Variants in KANK2 observed in about 807,000 individuals in gnomAD.
KANK2 encodes KN motif and ankyrin repeat domain-containing protein 2.
Under a neutral mutation model 74.6 loss-of-function variants are expected in KANK2, and 41 were observed. The observed-to-expected ratio is 0.55, with a 90% confidence interval of 0.43 to 0.71. The LOEUF (loss-of-function observed/expected upper bound fraction) is 0.71. Among genes scored for constraint, KANK2 ranks in the 30% least tolerant of loss-of-function variants. The probability of loss-of-function intolerance (pLI) is 0.00; values close to 1 mark genes in which losing one functional copy is unlikely to be tolerated. For missense variants in KANK2, 1,148 were observed against 1,196.4 expected, an observed-to-expected ratio of 0.96 and a Z score of 0.60; for synonymous variants, 537 against 519.0, an observed-to-expected ratio of 1.03 and a Z score of -0.47.
At chr19:11,184,452 C>T (rs1051966363) in intron 4 of KANK2, among the ~76,000 whole-genome samples, 2 of 150,094 alleles carry the variant, frequency 1.3e-5, no homozygotes, top group African/African-American at 4.9e-5. Flanking sequence ...GAGTTTGGCA[C>T]AGGCAAAAAT....
upstream of KANK2, chr19:11,197,692 G>C (rs1198861350): frequency 6.6e-6 from 1 of 151,902 alleles, no homozygotes; most frequent in East Asian, 1.9e-4. Flanking sequence ...ACGCTGGTTG[G>C]AGACTGGATC....
intron 12 of KANK2, among the ~76,000 whole-genome samples, chr19:11,168,765 A>C (rs539828596): frequency 1.3e-5 from 2 of 152,298 alleles, no homozygotes; most frequent in East Asian, 3.9e-4. Context: ...CCAGGCGTGA[A>C]TACTGTTATG....
chr19:11,193,623 C>A lies in KANK2; in HGVS notation c.457G>T (p.Ala153Ser), dbSNP rs773256470. The A allele has an allele frequency of 8.2e-6, 13 of 1,588,468 alleles. No individual in the cohort carries two copies. The East Asian group carries it at 2.9e-4, about 36-fold the overall frequency. Residue 153 changes from alanine (A) to serine (S), a missense_variant, in exon 4 of 13, where the codon GCC (alanine) becomes TCC (serine). By Grantham distance (99) the Ala-to-Ser change is moderately conservative. Coordinates refer to ENST00000586659, the MANE Select transcript of KANK2 (RefSeq NM_001136191.3). The surrounding 1 kb of genome is among the most constrained non-coding windows in gnomAD (Gnocchi z 9.6). ...CCCACCAGGGAGGCTGTCGAGCCGG[C>A]CGCACTGGGGGTCAGGGAGCCCAGG... ...TGLGSLTPSA[A>S]GSTASLVGVG... is the part of the protein sequence containing the mutation.
chr19:11,178,412 G>A lies in KANK2; in HGVS notation c.1453C>T (p.Arg485Trp), dbSNP rs981952023. 4 of 1,584,636 alleles carry A rather than the reference G, an allele frequency of 2.5e-6. No homozygotes were observed. The highest frequency in any genetic ancestry group is 2.7e-5 in the African/African-American group (2 of 72,772). The change falls in exon 6 of 13, where the codon CGG (arginine) becomes TGG (tryptophan). Residue 485 changes from arginine to tryptophan, a missense_variant. Coordinates refer to ENST00000586659, the MANE Select transcript of KANK2 (RefSeq NM_001136191.3). ...GTGGGGTCTGCAACCTCCTCTTTCC[G>A]TTTCATGATAGATCGCACGCCTGCC... ...PPAGVRSIMK[R>W]KEEVADPTAH...
rs201031064 is a variant in KANK2, at chr19:11,192,969, C to T, written c.1111G>A (p.Gly371Ser). The change falls in exon 4 of 13, where the codon GGT becomes AGT. Residue 371 changes from glycine (G) to serine (S), a missense_variant. Coordinates refer to ENST00000586659, the MANE Select transcript of KANK2 (RefSeq NM_001136191.3). ...GTGLRALAMP[G>S]RPESPPVFRS... ...AACACAGGTGGGCTCTCAGGCCTACCAGGCATTGCCAGGGCCCTCAGCCCT... is the reference window on the plus strand; with the variant it reads ...AACACAGGTGGGCTCTCAGGCCTACTAGGCATTGCCAGGGCCCTCAGCCCT... 5.5e-5 allele frequency: 88 copies of T among 1,614,092 alleles called. No homozygotes were observed. The East Asian group carries it at 1.9e-3, about 35-fold the overall frequency.
At chr19:11,183,501 C>T (rs2078587449) in intron 4 of KANK2, among the ~76,000 whole-genome samples, 1 of 152,140 alleles carries the variant, frequency 6.6e-6, no homozygotes, top group African/African-American at 2.4e-5. Flanking sequence ...TTCATTCATT[C>T]ATCCAGTGAC....
chr19:11,188,042 T>G (rs188618300), intron 4 of KANK2, among the ~76,000 whole-genome samples: 7 of 152,126 alleles, frequency 4.6e-5, no homozygotes, highest in Non-Finnish European at 1.0e-4. Context: ...CCTGCAAAAG[T>G]GAAAATATTT....
At chr19:11,176,451 T>C (rs1478906131) in intron 7 of KANK2, 127 bp downstream of exon 7, 1 of 1,091,226 alleles carries the variant, frequency 9.2e-7, no homozygotes, top group African/African-American at 1.6e-5. Flanking sequence ...AGTGCTCGTT[T>C]GCTAATTCAG....
intron 4 of KANK2, among the ~76,000 whole-genome samples, chr19:11,185,619 C>T (rs2078652997): frequency 6.7e-6 from 1 of 150,128 alleles, no homozygotes. Context: ...TGGAAGATAC[C>T]AGCAACTTCT....
At chr19:11,166,755 C>T (rs2078033608) in intron 12 of KANK2, 144 bp from the exon 13 acceptor site, 5 of 715,614 alleles carry the variant, frequency 7.0e-6, no homozygotes, top group Non-Finnish European at 1.2e-5. Flanking sequence ...GATCTGGGGG[C>T]ACCGCCTTGA....
chr19:11,187,795 A>C (rs767282118), intron 4 of KANK2, among the ~76,000 whole-genome samples: 50 of 152,250 alleles, frequency 3.3e-4, no homozygotes, highest in Non-Finnish European at 5.7e-4. Context: ...TACGTCAATA[A>C]AATCAGAAAA....
Position 11,193,360 on chromosome 19 carries a change from T to C in KANK2, c.720A>G (p.Thr240=). The C allele has an allele frequency of 6.2e-7, 1 of 1,612,890 alleles. No homozygotes were observed. The highest frequency in any genetic ancestry group is 8.5e-7 in the Non-Finnish European group (1 of 1,179,978). ...AGAGCTCGCTGCGACCCCGGCCCGC[T>C]GTGGGGTGGCCCAGGAACTTCTGGC... is the stretch of plus-strand genomic sequence containing the variant. The part of the protein sequence containing the change: ...LKSQKFLGHP[T]AGRGRSELCL... The change falls in exon 4 of 13, where the codon ACA becomes ACG. Residue 240 remains threonine, a synonymous_variant. Coordinates refer to ENST00000586659, the MANE Select transcript of KANK2 (RefSeq NM_001136191.3). The surrounding 1 kb of genome is among the most constrained non-coding windows in gnomAD (Gnocchi z 9.6).
At chr19:11,172,947 C>A in intron 10 of KANK2, 34 bp downstream of exon 10, 2 of 1,602,318 alleles carry the variant, frequency 1.2e-6, no homozygotes, top group Non-Finnish European at 1.7e-6. Context: ...GTAGGAAGAG[C>A]CACCTGGATC....
intron 2 of KANK2, 124 bp from the exon 3 acceptor site, chr19:11,194,714 G>C: frequency 1.9e-6 from 1 of 537,202 alleles, no homozygotes; most frequent in South Asian, 2.0e-5. Flanking sequence ...CCCACTCATA[G>C]ACGCACACCC....
intron 9 of KANK2, among the ~76,000 whole-genome samples, chr19:11,173,358 G>C (rs528795360): frequency 2.6e-5 from 4 of 152,202 alleles, no homozygotes; most frequent in Admixed American, 1.3e-4. Context: ...TCTATATTTA[G>C]GGCTGAGAAT....
chr19:11,170,304 C>T lies in KANK2; in HGVS notation c.2212-56G>A. On this transcript the variant is annotated intron_variant, in intron 10 of 12. Coordinates refer to ENST00000586659, the MANE Select transcript of KANK2 (RefSeq NM_001136191.3). The surrounding 1 kb of genome is among the most constrained non-coding windows in gnomAD (Gnocchi z 5.2). Reference sequence around the variant, plus strand: ...CATGCAGGCCCCAGGGCAGGACACCCCCTGGTCTAGAACCTGCTGTAGCTC... The same window carrying T: ...CATGCAGGCCCCAGGGCAGGACACCTCCTGGTCTAGAACCTGCTGTAGCTC... 5 of 1,481,982 alleles carry T rather than the reference C, an allele frequency of 3.4e-6. No individual in the cohort carries two copies. Among genetic ancestry groups the T allele is most frequent in the Non-Finnish European group, 4.6e-6 (5 of 1,076,188 alleles). The allele number at this position is 1,481,982 out of a possible 1,614,324, so 91.8% of individuals were successfully genotyped here.
In KANK2 at chr19:11,193,996, G is replaced by A. The variant is rs139971460; in HGVS notation, c.84C>T (p.Pro28=). The A allele has an allele frequency of 1.1e-4, 184 of 1,613,054 alleles. No homozygotes were observed. The highest frequency in any genetic ancestry group is 1.4e-4 in the Non-Finnish European group (169 of 1,179,480). The change falls in exon 4 of 13, where the codon CCC becomes CCT. Residue 28 remains proline (P), a synonymous_variant. Transcript: ENST00000586659. This position sits in a 1 kb window ranked among gnomAD's most constrained non-coding sequence, Gnocchi z 9.6. The stretch of plus-strand genomic sequence containing the variant: ...GGGTCTCCACGGAGTAGGGTGGATC[G>A]GGGTCCTTGGCAGGGAAGGCAGGTG... ...ASPPAFPAKD[P]DPPYSVETPY... is the part of the protein sequence containing the mutation.
intron 2 of KANK2, 43 bp from the exon 3 acceptor site, chr19:11,194,633 G>C (rs927970480): frequency 3.9e-6 from 3 of 770,808 alleles, no homozygotes; most frequent in Non-Finnish European, 6.8e-6. Flanking sequence ...GGAGTCTGTA[G>C]GGGGAGGGGA....
At chr19:11,169,349 C>CA (rs895417835) in intron 12 of KANK2, among the ~76,000 whole-genome samples, 8 of 151,038 alleles carry the variant, frequency 5.3e-5, no homozygotes, top group South Asian at 2.1e-4. Context: ...AAAAACAAAA[C>CA]AAAAAAAACT....
Sources: gnomAD v4.1 joint callset for allele counts (sites outside exome capture counted in the v4.1 genomes callset) on GRCh38, gnomAD v4.1.1 for gene constraint, Gnocchi (gnomAD v3.1) non-coding constraint, MANE v1.5 for transcripts, NCBI Gene and HGNC (gene_info 2026-07-23, HGNC 2026-07-21) for gene names.